The following CNKSR3 variants were observed in gnomAD, a reference collection of about 807,000 sequenced individuals.
CNKSR3 encodes the protein CNKSR family member 3.
CNKSR3 carries 36 observed loss-of-function variants against 67.7 expected under a neutral mutation model. The observed-to-expected ratio is 0.53, with a 90% CI of 0.41 to 0.70. The LOEUF is 0.70. Among genes scored for constraint, CNKSR3 ranks in the 30% least tolerant of loss-of-function variants. The pLI is 0.00. For missense variants in CNKSR3, 630 were observed against 695.2 expected, an observed-to-expected ratio of 0.91 and a Z score of 1.05; for synonymous variants, 281 against 271.4, an observed-to-expected ratio of 1.04 and a Z score of -0.35.
intron 1 of CNKSR3, 29 bp downstream of exon 1, chr6:154,510,034 G>A (rs1040431138): frequency 8.1e-6 from 13 of 1,613,406 alleles, no homozygotes; most frequent in Non-Finnish European, 1.1e-5. Context: ...GAGGCTGGAG[G>A]ACTCCGGACC....
rs1266522049 is a variant in CNKSR3 at position 154,401,169 on chromosome 6, T to C, written c.*5185A>G. ...AAAAATATACAAAAGCAGAGTGCTATGGATTGCATGTTTATGTCCTCCCAA... is the reference window on the plus strand; with the variant it reads ...AAAAATATACAAAAGCAGAGTGCTACGGATTGCATGTTTATGTCCTCCCAA... On this transcript the variant is annotated 3_prime_UTR_variant, in exon 13 of 13. Transcript: ENST00000607772. The C allele has an allele frequency of 6.6e-6, 1 of 152,258 alleles. No homozygotes were observed. The allele number at this position is 152,258 out of a possible 1,614,324, so 9.4% of individuals were successfully genotyped here. A position where few individuals can be genotyped will look rare whatever the true frequency, so the allele number is the denominator to read the frequency against.
chr6:154,464,903 A>G (rs1407795943), intron 1 of CNKSR3, among the ~76,000 whole-genome samples: 1 of 151,664 alleles, frequency 6.6e-6, no homozygotes, highest in Non-Finnish European at 1.5e-5. Flanking sequence ...GCACTTTGGG[A>G]AGCCAAGGTG....
intron 12 of CNKSR3, among the ~76,000 whole-genome samples, chr6:154,407,895 A>AAAAC (rs1554230757): frequency 3.4e-5 from 5 of 147,560 alleles, no homozygotes; most frequent in African/African-American, 9.9e-5. Flanking sequence ...AAAAAAAAAA[A>AAAAC]CCTAAATTTC....
chr6:154,411,816 C>T (rs540512026), intron 10 of CNKSR3, among the ~76,000 whole-genome samples: 1 of 152,128 alleles, frequency 6.6e-6, no homozygotes, highest in East Asian at 1.9e-4. Context: ...TGCCAAGAGT[C>T]GGATCTCTGC....
chr6:154,443,319 T>C (rs1785641627), intron 2 of CNKSR3, among the ~76,000 whole-genome samples: 1 of 152,186 alleles, frequency 6.6e-6, no homozygotes, highest in East Asian at 1.9e-4. Flanking sequence ...TGGGGCCAGA[T>C]AACGCTTGTG....
At chr6:154,428,558 C>A (rs959269973) in intron 6 of CNKSR3, among the ~76,000 whole-genome samples, 4 of 152,114 alleles carry the variant, frequency 2.6e-5, no homozygotes, top group African/African-American at 7.2e-5. Flanking sequence ...TGCTAAGTTG[C>A]CTACACTGGA....
chr6:154,475,386 C>G (rs1786423748), intron 1 of CNKSR3, among the ~76,000 whole-genome samples: 3 of 152,110 alleles, frequency 2.0e-5, no homozygotes. Context: ...AGGCAGGACC[C>G]AGCAATAATC....
chr6:154,440,580 A>G (rs1162093314), intron 4 of CNKSR3, among the ~76,000 whole-genome samples: 3 of 152,230 alleles, frequency 2.0e-5, no homozygotes, highest in African/African-American at 7.2e-5. Context: ...CTGAGCCTTT[A>G]CTAAGATACC....
chr6:154,457,184 G>A (rs376487674), intron 1 of CNKSR3, among the ~76,000 whole-genome samples: 15 of 152,230 alleles, frequency 9.9e-5, no homozygotes, highest in East Asian at 5.8e-4. Flanking sequence ...CTATGTGAGC[G>A]TAGTATGATT....
At chr6:154,408,796 CTG>C (rs1420565904) in intron 12 of CNKSR3, among the ~76,000 whole-genome samples, 1 of 152,132 alleles carries the variant, frequency 6.6e-6, no homozygotes, top group Non-Finnish European at 1.5e-5. Context: ...CTCAATAAAA[CTG>C]TTATTTTTTT....
chr6:154,423,684 T>TG (rs1785194332), intron 7 of CNKSR3, among the ~76,000 whole-genome samples: 1 of 152,254 alleles, frequency 6.6e-6, no homozygotes, highest in African/African-American at 2.4e-5. Context: ...AAATCATCTT[T>TG]GTAAGTCTGT....
rs146856901 is a variant in CNKSR3 at position 154,510,082 on chromosome 6, T to C, written c.33A>G (p.Gln11=). ...GCGCACCTCTAGTCCAGTCCACCAC[T>C]TGTTTGGGGCTCCACTTGGTCACGG... MEPVTKWSPK[Q]VVDWTRGLDD... is the part of the protein sequence containing the mutation. Residue 11 remains glutamine, a synonymous_variant, in exon 1 of 13, where the codon CAA becomes CAG. Transcript: ENST00000607772. 7.9e-4 allele frequency: 1,269 copies of C among 1,613,894 alleles called. 3 individuals are homozygous for C. The highest frequency in any genetic ancestry group is 9.6e-4 in the Non-Finnish European group (1,127 of 1,179,916).
In CNKSR3 at chr6:154,422,587, C is replaced by G; in HGVS notation, c.864G>C (p.Leu288=). 1 of 1,613,916 alleles carries G rather than the reference C, an allele frequency of 6.2e-7. No homozygotes were observed. Among genetic ancestry groups the G allele is most frequent in the South Asian group, 1.1e-5 (1 of 91,058 alleles). ...AAGACCCGGTGGGGCGCTTCTTAAG[C>G]AGTAACACAACTCCGGTGGGATTCT... The part of the protein sequence containing the change: ...LRENPTGVVL[L]LKKRPTGSFN... Residue 288 remains leucine, a synonymous_variant, in exon 9 of 13, where the codon CTG becomes CTC. Transcript: ENST00000607772.
chr6:154,460,857 A>G (rs2128720830), intron 1 of CNKSR3, among the ~76,000 whole-genome samples: 1 of 152,306 alleles, frequency 6.6e-6, no homozygotes, highest in East Asian at 1.9e-4. Context: ...CTCGGCACAG[A>G]GACATGCAGT....
In CNKSR3 at chr6:154,393,860, A is replaced by ACAAGCC. The variant is rs1378128399; in HGVS notation, c.*12493_*12494insGGCTTG. 6.6e-6 allele frequency: 1 copy of ACAAGCC among 152,260 alleles called. No homozygotes were observed. Among genetic ancestry groups the ACAAGCC allele is most frequent in the African/African-American group, 2.4e-5 (1 of 41,470 alleles). 9.4% of individuals were successfully genotyped at this position (152,260 alleles called of 1,614,324 possible). On this transcript the variant is annotated 3_prime_UTR_variant, in exon 13 of 13. Transcript: ENST00000607772. ...ACCAAGCCTTGCAAAACATGGCAAA[A>ACAAGCC]TAAATGTTTTGGGGAAAATGTAGTC... is the stretch of plus-strand genomic sequence containing the variant.
intron 1 of CNKSR3, among the ~76,000 whole-genome samples, chr6:154,460,040 C>A (rs997029328): frequency 6.6e-6 from 1 of 152,214 alleles, no homozygotes; most frequent in African/African-American, 2.4e-5. Flanking sequence ...ATGGACCCAG[C>A]CTGCCCCCAC....
intron 1 of CNKSR3, among the ~76,000 whole-genome samples, chr6:154,452,585 T>C (rs1413746117): frequency 6.6e-6 from 1 of 152,218 alleles, no homozygotes; most frequent in Non-Finnish European, 1.5e-5. Flanking sequence ...TTGTTTTAAT[T>C]CATCATACAA....
intron 1 of CNKSR3, among the ~76,000 whole-genome samples, chr6:154,487,393 T>C (rs1786696708): frequency 6.6e-6 from 1 of 152,190 alleles, no homozygotes; most frequent in Admixed American, 6.5e-5. Context: ...GAAAGTTTAG[T>C]AACAGCATGA....
At chr6:154,451,602 C>G (rs1316177992) in intron 1 of CNKSR3, among the ~76,000 whole-genome samples, 1 of 152,194 alleles carries the variant, frequency 6.6e-6, no homozygotes. Flanking sequence ...GTGGGTATTT[C>G]TCTGAGCTAG....
Sources: gnomAD v4.1 joint callset for allele counts (sites outside exome capture counted in the v4.1 genomes callset) on GRCh38, gnomAD v4.1.1 for gene constraint, MANE v1.5 for transcripts, NCBI Gene and HGNC (gene_info 2026-07-23, HGNC 2026-07-21) for gene names.